GABRG1: variants seen among roughly 807,000 people sequenced by gnomAD.
The protein encoded by GABRG1 is gamma-aminobutyric acid receptor subunit gamma-1.
GABRG1 carries 49 observed loss-of-function variants against 49.8 expected under a neutral mutation model. The observed-to-expected ratio is 0.98, with a 90% CI of 0.78 to 1.25. The LOEUF is 1.25. Among genes scored for constraint, GABRG1 ranks in the 50% most tolerant of loss-of-function variants. GABRG1 has a pLI of 0.00. For missense variants in GABRG1, 552 were observed against 552.3 expected (o/e 1.00, Z 0.01); for synonymous variants, 232 against 185.1 (o/e 1.25, Z -2.06).
chr4:46,096,548 T>C (rs947186848), intron 2 of GABRG1, among the ~76,000 whole-genome samples: 1 of 151,752 alleles, frequency 6.6e-6, no homozygotes, highest in East Asian at 1.9e-4. Context: ...CTGCTCAGTT[T>C]CTTAAACACA....
At chr4:46,064,951 A>G (rs1718850634) in intron 4 of GABRG1, among the ~76,000 whole-genome samples, 1 of 152,182 alleles carries the variant, frequency 6.6e-6, no homozygotes, top group African/African-American at 2.4e-5. Context: ...TGAGTTAAAT[A>G]AACTTGAACC....
intron 1 of GABRG1, among the ~76,000 whole-genome samples, chr4:46,106,709 A>G (rs16859088): frequency 0.085 from 12,887 of 151,308 alleles, 940 homozygotes; most frequent in African/African-American, 0.2. Flanking sequence ...CTTTCCTTGT[A>G]ACATATCCTG....
At chr4:46,049,741 T>C (rs1262984237) in intron 8 of GABRG1, among the ~76,000 whole-genome samples, 2 of 151,950 alleles carry the variant, frequency 1.3e-5, no homozygotes, top group East Asian at 3.9e-4. Flanking sequence ...GTTTAAAGTC[T>C]ACACTAGAGT....
Position 46,064,518 on chromosome 4 carries a change from G to C in GABRG1, c.548C>G (p.Thr183Arg). The change falls in exon 5 of 9, where the codon ACA becomes AGA. Residue 183 changes from threonine to arginine, a missense_variant. By Grantham distance (71) the Thr-to-Arg change is moderately conservative. Transcript: ENST00000295452. ...CTGAAGATAACATTCTGCATTAATT[G>C]TCAATCTATTTAGATGGAAAGAAAA... ...DGRVLYTLRL[T>R]INAECYLQLH... is the part of the protein sequence containing the mutation. 6.7e-7 allele frequency: 1 copy of C among 1,486,658 alleles called. No homozygotes were observed. The highest frequency in any genetic ancestry group is 1.3e-5 in the South Asian group (1 of 74,332). 92.1% of individuals were successfully genotyped at this position (1,486,658 alleles called of 1,614,324 possible). A position where few individuals can be genotyped will look rare whatever the true frequency, so the allele number is the denominator to read the frequency against.
chr4:46,123,761 G>T (rs1056480168), intron 1 of GABRG1, 49 bp downstream of exon 1: 8 of 1,329,570 alleles, frequency 6.0e-6, no homozygotes, highest in Admixed American at 5.3e-5. Flanking sequence ...GGAATAAGGG[G>T]AAAGGGGTAG....
In GABRG1 at chr4:46,051,560, G is replaced by T; in HGVS notation, c.995C>A (p.Ala332Glu). 6 of 1,611,366 alleles carry T rather than the reference G, an allele frequency of 3.7e-6. No homozygotes were observed. Among genetic ancestry groups the T allele is most frequent in the Non-Finnish European group, 4.2e-6 (5 of 1,178,384 alleles). ...ACAAACAGAAACAAAGAGATCCATCGCAGTCACATAAGAAACCTTAGGTAA... is the reference window on the plus strand; with the variant it reads ...ACAAACAGAAACAAAGAGATCCATCTCAGTCACATAAGAAACCTTAGGTAA... ...KSLPKVSYVTAMDLFVSVCFI... is the reference protein window; with the variant it reads ...KSLPKVSYVTEMDLFVSVCFI... The change falls in exon 8 of 9, where the codon GCG becomes GAG. Residue 332 changes from alanine to glutamate, a missense_variant. Physicochemically the swap from Ala to Glu is moderately radical, Grantham distance 107 (BLOSUM62 -1). Coordinates refer to ENST00000295452, the MANE Select transcript of GABRG1 (RefSeq NM_173536.4).
chr4:46,109,795 G>T lies in GABRG1; in HGVS notation c.105-12446C>A, dbSNP rs145991502. Among the ~76,000 whole-genome samples, 19 of 151,130 alleles carry T rather than the reference G, an allele frequency of 1.3e-4. No homozygotes were observed. The East Asian group carries it at 2.7e-3, about 22-fold the overall frequency. The stretch of plus-strand genomic sequence containing the variant: ...CCCAAAAGGCATTCTGGGGCAAGTT[G>T]TTTAATTTCCATATAATTGTATGGT... On this transcript the variant is annotated intron_variant, in intron 1 of 8. Transcript: ENST00000295452.
At chr4:46,101,316 A>G (rs531562228) in intron 1 of GABRG1, among the ~76,000 whole-genome samples, 2 of 151,754 alleles carry the variant, frequency 1.3e-5, no homozygotes, top group East Asian at 1.9e-4. Flanking sequence ...CTGGCACAAC[A>G]TATACCTTTA....
chr4:46,088,574 T>C (rs540016772), intron 2 of GABRG1, among the ~76,000 whole-genome samples: 1 of 152,098 alleles, frequency 6.6e-6, no homozygotes, highest in South Asian at 2.1e-4. Context: ...GGCTTTCCAA[T>C]ATGCAGTCAT....
At chr4:46,091,485 G>GTTT (rs1376775448) in intron 2 of GABRG1, among the ~76,000 whole-genome samples, 1 of 151,844 alleles carries the variant, frequency 6.6e-6, no homozygotes, top group Non-Finnish European at 1.5e-5. Context: ...TCAAGACATC[G>GTTT]TAATGATCAA....
intron 2 of GABRG1, among the ~76,000 whole-genome samples, chr4:46,092,632 A>C (rs1291866393): frequency 6.6e-6 from 1 of 152,084 alleles, no homozygotes; most frequent in Non-Finnish European, 1.5e-5. Flanking sequence ...TATCTGCATT[A>C]ACCACTCCAT....
At chr4:46,045,057 G>A (rs187798660) in intron 8 of GABRG1, among the ~76,000 whole-genome samples, 80 of 152,108 alleles carry the variant, frequency 5.3e-4, no homozygotes, top group Admixed American at 4.8e-3. Flanking sequence ...GAAACTTACC[G>A]GGCCTATTTG....
chr4:46,079,078 T>G (rs956160645), intron 3 of GABRG1, among the ~76,000 whole-genome samples: 2 of 151,846 alleles, frequency 1.3e-5, no homozygotes, highest in Non-Finnish European at 2.9e-5. Flanking sequence ...TTTTGTTTTT[T>G]TTTTTTCCTT....
intron 2 of GABRG1, among the ~76,000 whole-genome samples, chr4:46,089,324 C>T (rs1719895037): frequency 2.0e-5 from 3 of 152,062 alleles, no homozygotes. Flanking sequence ...TTAACTTACA[C>T]CTAAGGCCAC....
At chr4:46,063,158 G>GA (rs1284190325) in intron 5 of GABRG1, among the ~76,000 whole-genome samples, 1 of 151,614 alleles carries the variant, frequency 6.6e-6, no homozygotes, top group Non-Finnish European at 1.5e-5. Context: ...CACAGAATTG[G>GA]AAAAAACTAC....
intron 8 of GABRG1, among the ~76,000 whole-genome samples, chr4:46,048,555 T>C (rs1041746085): frequency 2.1e-5 from 3 of 146,030 alleles, no homozygotes; most frequent in Non-Finnish European, 3.0e-5. Flanking sequence ...ATGCACCGAC[T>C]CTTTACAATT....
intron 3 of GABRG1, among the ~76,000 whole-genome samples, chr4:46,067,914 A>C (rs988250739): frequency 7.2e-5 from 11 of 152,110 alleles, no homozygotes; most frequent in African/African-American, 2.7e-4. Context: ...TGGTGTACCT[A>C]TTCTTTGAAC....
At position 46,104,085 on chromosome 4, in the gene GABRG1, A is replaced by T. The variant is rs1317275035; in HGVS notation, c.105-6736T>A. On this transcript the variant is annotated intron_variant, in intron 1 of 8. Transcript: ENST00000295452. Reference sequence around the variant, plus strand: ...AACTGGAGTTCTAAACACATAAATGACTTCATTAAGGCCTCCAAGCTACTT... The same window carrying T: ...AACTGGAGTTCTAAACACATAAATGTCTTCATTAAGGCCTCCAAGCTACTT... 4.0e-5 allele frequency among the ~76,000 whole-genome samples: 6 copies of T among 151,418 alleles called. No individual in the cohort carries two copies. In the East Asian group the frequency reaches 1.2e-3, roughly 30 times the overall value.
intron 1 of GABRG1, among the ~76,000 whole-genome samples, chr4:46,113,051 CACTT>C (rs1337924514): frequency 4.6e-5 from 7 of 151,156 alleles, no homozygotes; most frequent in Non-Finnish European, 1.5e-5. Context: ...AAGCTTCACT[CACTT>C]ATAGTATTTG....
Sources: allele counts gnomAD v4.1 joint callset (sites outside exome capture counted in the v4.1 genomes callset), GRCh38; gene constraint gnomAD v4.1.1; transcripts MANE v1.5; gene names NCBI Gene and HGNC (gene_info 2026-07-23, HGNC 2026-07-21).